The following SATB1 variants were observed in gnomAD, a reference collection of about 807,000 sequenced individuals.
The protein encoded by SATB1 is SATB homeobox 1, also known as DNA-binding protein SATB1.
SATB1 carries 11 observed loss-of-function variants against 86.9 expected under a neutral mutation model. The ratio of observed to expected loss-of-function variants is 0.13; its 90% confidence interval spans 0.08 to 0.21. SATB1 has a LOEUF of 0.21. SATB1 is among the 10% of genes least tolerant of loss of function. SATB1 has a pLI of 1.00. For missense variants in SATB1, 551 were observed against 937.6 expected (o/e 0.59, Z 5.39); for synonymous variants, 357 against 357.2 (o/e 1.00, Z 0.01).
chr3:18,421,030 G>A, intron 1 of SATB1, 39 bp from the exon 2 acceptor site: 9 of 1,442,700 alleles, frequency 6.2e-6, no homozygotes, highest in East Asian at 4.5e-5. Context: ...ATAGTTGGGC[G>A]GGGACCTACG....
At chr3:18,382,061 A>G (rs1171610677) in intron 8 of SATB1, among the ~76,000 whole-genome samples, 1 of 152,210 alleles carries the variant, frequency 6.6e-6, no homozygotes, top group Non-Finnish European at 1.5e-5. Context: ...CCAAGTGTTA[A>G]GTTCCTGCCT....
intron 1 of SATB1, 52 bp downstream of exon 1, chr3:18,423,575 G>A (rs1303279913): frequency 6.6e-6 from 1 of 152,096 alleles, no homozygotes; most frequent in Non-Finnish European, 1.5e-5. Context: ...TCTAGAAACA[G>A]AAACACTGCA....
Position 18,349,585 on chromosome 3 carries a change from G to C in SATB1, c.1877C>G (p.Pro626Arg). The change falls in exon 11 of 11, where the codon CCA becomes CGA. Residue 626 changes from proline (P) to arginine (R), a missense_variant. Around this residue, in one of 8 missense-constraint regions of SATB1, gnomAD observed 87 missense variants for 103.6 expected, o/e 0.84. Transcript: ENST00000338745. This position sits in a 1 kb window ranked among gnomAD's most constrained non-coding sequence, Gnocchi z 5.5. ...TGGAGAGGCCACCGTGGGTTGCCGT[G>C]GGGGGAGCCGAGGGCCTGTCTGTGG... ...QQPQTGPRLP[P>R]RQPTVASPAE... The C allele has an allele frequency of 2.5e-6, 4 of 1,613,552 alleles. No individual in the cohort carries two copies. Among genetic ancestry groups the C allele is most frequent in the Non-Finnish European group, 3.4e-6 (4 of 1,179,908 alleles).
intron 4 of SATB1, among the ~76,000 whole-genome samples, chr3:18,415,768 T>C (rs1559451148): frequency 2.0e-5 from 3 of 152,038 alleles, no homozygotes; most frequent in Non-Finnish European, 4.4e-5. Context: ...AAAAGTCTTG[T>C]CTTTTGATAA....
At position 18,349,564 on chromosome 3, in the gene SATB1, G is replaced by A; in HGVS notation, c.1898C>T (p.Ser633Phe). Residue 633 changes from serine to phenylalanine, a missense_variant, in exon 11 of 11, where the codon TCT (serine) becomes TTT (phenylalanine). Physicochemically the swap from Ser to Phe is radical, Grantham distance 155. This residue lies in a region of SATB1 where 87 missense variants were observed against 103.6 expected (regional missense o/e 0.84). Coordinates refer to ENST00000338745, the MANE Select transcript of SATB1 (RefSeq NM_002971.6). The surrounding 1 kb of genome is among the most constrained non-coding windows in gnomAD (Gnocchi z 5.5). ...RLPPRQPTVA[S>F]PAESDEENRQ... is the part of the protein sequence containing the mutation. The stretch of plus-strand genomic sequence containing the variant: ...GTTTTCCTCATCTGACTCTGCTGGA[G>A]AGGCCACCGTGGGTTGCCGTGGGGG... 6.2e-7 allele frequency: 1 copy of A among 1,613,958 alleles called. No individual in the cohort carries two copies. Among genetic ancestry groups the A allele is most frequent in the South Asian group, 1.1e-5 (1 of 91,068 alleles).
At chr3:18,357,984 C>G (rs1694733811) in intron 9 of SATB1, among the ~76,000 whole-genome samples, 1 of 151,848 alleles carries the variant, frequency 6.6e-6, no homozygotes, top group East Asian at 1.9e-4. Flanking sequence ...CAGTGAGAAA[C>G]AGTGGCAAAG....
At position 18,394,702 on chromosome 3, in the gene SATB1, C is replaced by CA. The variant is rs764675060; in HGVS notation, c.965dup (p.Met323AspfsTer13). ...ACTGCTGGTTCAGCAGCTGAGCCAT[C>CA]ACCAGCTGCTGGTTGACCAATTGAG... On this transcript the variant is annotated frameshift_variant, in exon 7 of 11. Transcript: ENST00000338745. LOFTEE classifies it high-confidence loss of function. The surrounding 1 kb of genome is among the most constrained non-coding windows in gnomAD (Gnocchi z 5.9). 6.2e-7 allele frequency: 1 copy of CA among 1,614,050 alleles called. No homozygotes were observed. The highest frequency in any genetic ancestry group is 8.5e-7 in the Non-Finnish European group (1 of 1,179,930).
chr3:18,434,470 C>CA (rs986711875), intron 2 of SATB1, among the ~76,000 whole-genome samples: 2 of 151,778 alleles, frequency 1.3e-5, no homozygotes, highest in African/African-American at 2.4e-5. Flanking sequence ...GAGAGTATTC[C>CA]ACAATTTAAA....
intron 2 of SATB1, among the ~76,000 whole-genome samples, chr3:18,419,191 C>A (rs1698262373): frequency 6.6e-6 from 1 of 152,136 alleles, no homozygotes; most frequent in African/African-American, 2.4e-5. Context: ...TAATTACAGA[C>A]CTTCTAGCAA....
chr3:18,356,717 A>C (rs144931245), intron 9 of SATB1, among the ~76,000 whole-genome samples: 3,065 of 151,972 alleles, frequency 0.02, 103 homozygotes, highest in African/African-American at 0.068. Context: ...TTTTTACAAC[A>C]TTTAATTCAA....
Position 18,348,574 on chromosome 3 carries a change from A to T in SATB1, c.*596T>A, listed in dbSNP as rs933348191. On this transcript the variant is annotated 3_prime_UTR_variant, in exon 11 of 11. Coordinates refer to ENST00000338745, the MANE Select transcript of SATB1 (RefSeq NM_002971.6). ...AAAATCATGTAACAATGAGAATGAAAAAAAAGTACAGTGAACTTTTATTTC... is the reference window on the plus strand; with the variant it reads ...AAAATCATGTAACAATGAGAATGAATAAAAAGTACAGTGAACTTTTATTTC... 3 of 152,648 alleles carry T rather than the reference A, an allele frequency of 2.0e-5. No individual in the cohort carries two copies. The highest frequency in any genetic ancestry group is 7.2e-5 in the African/African-American group (3 of 41,464). The allele number at this position is 152,648 out of a possible 1,614,324, so 9.5% of individuals were successfully genotyped here. A position where few individuals can be genotyped will look rare whatever the true frequency, so the allele number is the denominator to read the frequency against.
intron 9 of SATB1, among the ~76,000 whole-genome samples, chr3:18,362,843 T>C: frequency 1.1e-5 from 1 of 94,362 alleles, no homozygotes; most frequent in African/African-American, 3.9e-5. Context: ...TTGCTGAATA[T>C]TCATATATGC....
chr3:18,350,826 T>C (rs1000701877), intron 10 of SATB1: 1 of 157,062 alleles, frequency 6.4e-6, no homozygotes, highest in African/African-American at 2.4e-5. Context: ...TTTATTACTG[T>C]TTTTAGTTAT....
intron 7 of SATB1, among the ~76,000 whole-genome samples, chr3:18,393,698 T>G (rs932487870): frequency 6.6e-6 from 1 of 152,156 alleles, no homozygotes; most frequent in Non-Finnish European, 1.5e-5. Context: ...TTATAAATAG[T>G]TTTACTGAAA....
At position 18,394,867 on chromosome 3, in the gene SATB1, G is replaced by C. The variant is rs764362388; in HGVS notation, c.801C>G (p.Val267=). The change falls in exon 7 of 11, where the codon GTC becomes GTG. Residue 267 remains valine (V), a synonymous_variant. Coordinates refer to ENST00000338745, the MANE Select transcript of SATB1 (RefSeq NM_002971.6). This position sits in a 1 kb window ranked among gnomAD's most constrained non-coding sequence, Gnocchi z 5.9. ...SELSQQGANH[V]NFGQQPVPGN... ...CTGGAACTGGTTGCTGGCCAAAATT[G>C]ACATGATTGGCGCCTTGCTGGGATA... 5.0e-6 allele frequency: 8 copies of C among 1,612,482 alleles called. No individual in the cohort carries two copies. The highest frequency in any genetic ancestry group is 2.2e-5 in the East Asian group (1 of 44,838).
intron 7 of SATB1, among the ~76,000 whole-genome samples, chr3:18,391,606 C>T (rs1042124103): frequency 6.9e-6 from 1 of 145,980 alleles, no homozygotes; most frequent in Non-Finnish European, 1.5e-5. Context: ...TCAATTCCCA[C>T]CTATGAGTGA....
intron 9 of SATB1, among the ~76,000 whole-genome samples, chr3:18,371,175 T>C (rs1375121618): frequency 6.6e-6 from 1 of 152,014 alleles, no homozygotes; most frequent in Non-Finnish European, 1.5e-5. Flanking sequence ...GTTAAAAAAA[T>C]ACACAAAGGC....
At chr3:18,407,625 T>C (rs539252441) in intron 5 of SATB1, among the ~76,000 whole-genome samples, 22 of 152,026 alleles carry the variant, frequency 1.4e-4, no homozygotes, top group Non-Finnish European at 2.6e-4. Flanking sequence ...AATTGAGTCA[T>C]GGAGTCAGCT....
At chr3:18,409,616 A>G (rs1697727928) in intron 5 of SATB1, 1 of 152,082 alleles carries the variant, frequency 6.6e-6, no homozygotes, top group Non-Finnish European at 1.5e-5. Flanking sequence ...TCCAATTAGT[A>G]TCAAGTACTT....
Sources: allele counts gnomAD v4.1 joint callset (sites outside exome capture counted in the v4.1 genomes callset), GRCh38; gene constraint gnomAD v4.1.1; regional missense constraint gnomAD v4.1.1; non-coding constraint Gnocchi (gnomAD v3.1); transcripts MANE v1.5; gene names NCBI Gene and HGNC (gene_info 2026-07-23, HGNC 2026-07-21).